ACD: variants seen among roughly 807,000 people sequenced by gnomAD.
ACD encodes adrenocortical dysplasia protein homolog.
A neutral mutation model predicts 53.9 loss-of-function variants in ACD; 39 were observed. The observed-to-expected ratio is 0.72, with a 90% confidence interval of 0.56 to 0.95. The LOEUF (loss-of-function observed/expected upper bound fraction) is 0.95, where lower values mean the gene tolerates loss of function less well. Ranked by LOEUF, ACD falls within the 40% of genes least tolerant of loss-of-function variation. The pLI, the probability that ACD is intolerant of heterozygous loss-of-function variation, is 0.00. For synonymous variants in ACD, 273 were observed against 249.2 expected, an observed-to-expected ratio of 1.10 and a Z score of -0.90; for missense variants, 526 against 587.9, an observed-to-expected ratio of 0.89 and a Z score of 1.09.
In ACD at chr16:67,658,356, G is replaced by A. The variant is rs1370466465; in HGVS notation, c.836C>T (p.Pro279Leu). ...PPSSPSSSGT[P>L]ALPGHMSSEE... ...GGATGACATGTGGCCGGGTAAGGCC[G>A]GGGTTCCTGAGGAGGAGGGGACTTA... The change falls in exon 10 of 12, where the codon CCG (proline) becomes CTG (leucine). Residue 279 changes from proline to leucine, a missense_variant. Pro to Leu is a moderately conservative substitution (Grantham distance 98, BLOSUM62 -3). Coordinates refer to ENST00000620761, the MANE Select transcript of ACD (RefSeq NM_001082486.2). 6 of 1,613,558 alleles carry A rather than the reference G, an allele frequency of 3.7e-6. No homozygotes were observed. The highest frequency in any genetic ancestry group is 4.5e-5 in the East Asian group (2 of 44,900).
In ACD at chr16:67,658,604, G is replaced by C. The variant is rs1254941141; in HGVS notation, c.780C>G (p.Asp260Glu). The C allele has an allele frequency of 6.3e-7, 1 of 1,576,410 alleles. No individual in the cohort carries two copies. Among genetic ancestry groups the C allele is most frequent in the African/African-American group, 1.4e-5 (1 of 74,048 alleles). Residue 260 changes from aspartate (D) to glutamate (E), a missense_variant, in exon 9 of 12, where the codon GAC (aspartate) becomes GAG (glutamate). Physicochemically the swap from Asp to Glu is conservative, Grantham distance 45. Coordinates refer to ENST00000620761, the MANE Select transcript of ACD (RefSeq NM_001082486.2). ...ELPPPDPALQ[D>E]LSLTLIASPP... ...GAGAGGCTATGAGGGTCAGAGATAGGTCCTGCAGAGCCGGGTCTGGTGGGG... is the reference window on the plus strand; with the variant it reads ...GAGAGGCTATGAGGGTCAGAGATAGCTCCTGCAGAGCCGGGTCTGGTGGGG...
chr16:67,658,413 C>T, intron 9 of ACD, 51 bp from the exon 10 acceptor site: 1 of 1,611,658 alleles, frequency 6.2e-7, no homozygotes. Context: ...CTCAGGGCAG[C>T]TGAGTGGCCT....
At position 67,660,206 on chromosome 16, in the gene ACD, C is replaced by T; in HGVS notation, c.15G>A (p.Gly5=). 1 of 1,612,682 alleles carries T rather than the reference C, an allele frequency of 6.2e-7. No individual in the cohort carries two copies. The highest frequency in any genetic ancestry group is 8.5e-7 in the Non-Finnish European group (1 of 1,179,912). ...GAATCCAGGGCCGTAGGACCAGCCT[C>T]CCCGAACCTGCCATCCCCACGGCTA... is the stretch of plus-strand genomic sequence containing the variant. MAGS[G]RLVLRPWIRE... is the part of the protein sequence containing the mutation. Residue 5 remains glycine (G), a synonymous_variant, in exon 1 of 12, where the codon GGG becomes GGA. Transcript: ENST00000620761.
Position 67,658,763 on chromosome 16 carries a change from G to C in ACD, c.699C>G (p.Asp233Glu). Residue 233 changes from aspartate (D) to glutamate (E), a missense_variant, in exon 8 of 12, where the codon GAC becomes GAG. By Grantham distance (45) the Asp-to-Glu change is conservative. Transcript: ENST00000620761. Reference sequence around the variant, plus strand: ...GGCCTAGAGAGCTCAGAATTAGCTGGTCATTCTCAGAGATGCACAGCATTG... The same window carrying C: ...GGCCTAGAGAGCTCAGAATTAGCTGCTCATTCTCAGAGATGCACAGCATTG... The part of the protein sequence containing the change: ...PSSMLCISEN[D>E]QLILSSLGPC... 1.9e-6 allele frequency: 3 copies of C among 1,613,482 alleles called. No homozygotes were observed. Among genetic ancestry groups the C allele is most frequent in the Non-Finnish European group, 2.5e-6 (3 of 1,179,694 alleles).
Position 67,659,967 on chromosome 16 carries a change from C to A in ACD, c.178G>T (p.Val60Leu). 1.2e-6 allele frequency: 2 copies of A among 1,608,950 alleles called. No homozygotes were observed. Among genetic ancestry groups the A allele is most frequent in the South Asian group, 2.2e-5 (2 of 90,918 alleles). ...DTSDVGATLL[V>L]SDGTHSVRCL... ...CGGACACTGTGGGTCCCGTCAGACA[C>A]AAGCAGCGTGGCCCCGACGTCGGAC... is the stretch of plus-strand genomic sequence containing the variant. Residue 60 changes from valine to leucine, a missense_variant, in exon 2 of 12, where the codon GTG (valine) becomes TTG (leucine). By Grantham distance (32) the Val-to-Leu change is conservative (BLOSUM62 1). Coordinates refer to ENST00000620761, the MANE Select transcript of ACD (RefSeq NM_001082486.2).
rs771958170 is a variant in ACD, at chr16:67,659,700, A to T, written c.336+2T>A. The stretch of plus-strand genomic sequence containing the variant: ...CCCGCCCAAGGCAGTCTCACCACTC[A>T]CCGCGCCGCCCTCAGCGACCTGGAC... On this transcript the variant is annotated splice_donor_variant, in intron 3 of 11. Transcript: ENST00000620761. LOFTEE classifies it high-confidence loss of function. The T allele has an allele frequency of 6.2e-7, 1 of 1,613,004 alleles. No homozygotes were observed. Among genetic ancestry groups the T allele is most frequent in the African/African-American group, 1.3e-5 (1 of 74,870 alleles).
Position 67,658,081 on chromosome 16 carries a change from C to T in ACD, c.1111G>A (p.Glu371Lys). The part of the protein sequence containing the change: ...LVTRPQKPSL[E>K]FKEFVGLPCK... ...GGCAACCCTACAAACTCCTTGAACT[C>T]CAGGCTAGGTTTCTGGGGCCTGGTC... Residue 371 changes from glutamate to lysine, a missense_variant, in exon 10 of 12, where the codon GAG becomes AAG. By Grantham distance (56) the Glu-to-Lys change is moderately conservative. Transcript: ENST00000620761. The T allele has an allele frequency of 6.4e-7, 1 of 1,566,780 alleles. No homozygotes were observed. Among genetic ancestry groups the T allele is most frequent in the Non-Finnish European group, 8.6e-7 (1 of 1,157,892 alleles).
In ACD at chr16:67,659,865, C is replaced by A. The variant is rs1169172728; in HGVS notation, c.242+38G>T. ...GGCCCGCCCACCTCGCGCTCTCCTG[C>A]CGGACTCCGACCTCCAGAGCCGCGC... On this transcript the variant is annotated intron_variant, in intron 2 of 11. Coordinates refer to ENST00000620761, the MANE Select transcript of ACD (RefSeq NM_001082486.2). The A allele has an allele frequency of 4.4e-6, 7 of 1,579,956 alleles. 1 individual carries two copies. The Admixed American group carries it at 1.0e-4, about 23-fold the overall frequency.
chr16:67,659,991 A>G lies in ACD; in HGVS notation c.154T>C (p.Ser52Pro), dbSNP rs754238984. Reference sequence around the variant, plus strand: ...ACAAGCAGCGTGGCCCCGACGTCGGACGTATCAGGGGCGTGGGATGGGCCC... The same window carrying G: ...ACAAGCAGCGTGGCCCCGACGTCGGGCGTATCAGGGGCGTGGGATGGGCCC... ...VAGPSHAPDT[S>P]DVGATLLVSD... Residue 52 changes from serine (S) to proline (P), a missense_variant, in exon 2 of 12, where the codon TCC (serine) becomes CCC (proline). Ser to Pro is a moderately conservative substitution (Grantham distance 74). Transcript: ENST00000620761. 7 of 1,608,996 alleles carry G rather than the reference A, an allele frequency of 4.4e-6. No individual in the cohort carries two copies.
intron 9 of ACD, 29 bp downstream of exon 9, chr16:67,658,526 G>A (rs1291961000): frequency 1.3e-6 from 2 of 1,568,850 alleles, no homozygotes; most frequent in Non-Finnish European, 1.7e-6. Flanking sequence ...AGGCGGCAGT[G>A]AGTGCCTGTG....
intron 2 of ACD, 42 bp from the exon 3 acceptor site, chr16:67,659,837 C>T (rs769528493): frequency 1.3e-6 from 2 of 1,585,820 alleles, no homozygotes; most frequent in East Asian, 2.3e-5. Context: ...CACCTGAACA[C>T]AAGGCCCGCC....
Position 67,660,138 on chromosome 16 carries a change from G to A in ACD, c.83C>T (p.Ala28Val). The change falls in exon 1 of 12, where the codon GCC becomes GTC. Residue 28 changes from alanine to valine, a missense_variant. Ala to Val is a moderately conservative substitution (Grantham distance 64). Coordinates refer to ENST00000620761, the MANE Select transcript of ACD (RefSeq NM_001082486.2). ...GGGGCTCACCTCAAGCAGCTGCCCG[G>A]CTCGTGGACTGGAGGGTGTCTCTGA... Reference protein sequence around the residue: ...LGSETPSSPRAGQLLEVLQDA... With the variant: ...LGSETPSSPRVGQLLEVLQDA... 6.2e-7 allele frequency: 1 copy of A among 1,612,550 alleles called. No homozygotes were observed. Among genetic ancestry groups the A allele is most frequent in the Non-Finnish European group, 8.5e-7 (1 of 1,179,896 alleles).
At position 67,659,006 on chromosome 16, in the gene ACD, A is replaced by G. The variant is rs761367992; in HGVS notation, c.567T>C (p.Ala189=). 4.3e-6 allele frequency: 7 copies of G among 1,613,822 alleles called. No homozygotes were observed. Among genetic ancestry groups the G allele is most frequent in the Non-Finnish European group, 5.9e-6 (7 of 1,180,022 alleles). The stretch of plus-strand genomic sequence containing the variant: ...GGCCCTCCAGTGTCAGGCAGCTTTC[A>G]GCCAGGCACACGAGTGCCCCCTGAT... ...QEHQGALVCL[A]ESCLTLEGPC... is the part of the protein sequence containing the mutation. The change falls in exon 7 of 12, where the codon GCT becomes GCC. Residue 189 remains alanine (A), a synonymous_variant. Coordinates refer to ENST00000620761, the MANE Select transcript of ACD (RefSeq NM_001082486.2).
chr16:67,658,386 A>T (rs1334026904), intron 9 of ACD, 24 bp from the exon 10 acceptor site: 2 of 1,613,012 alleles, frequency 1.2e-6, no homozygotes, highest in Non-Finnish European at 1.7e-6. Flanking sequence ...GACTTATTGT[A>T]GGCACAGCCC....
chr16:67,658,408 G>C (rs1200972886), intron 9 of ACD, 46 bp from the exon 10 acceptor site: 1 of 1,612,066 alleles, frequency 6.2e-7, no homozygotes, highest in East Asian at 2.2e-5. Context: ...CTCCGCTCAG[G>C]GCAGCTGAGT....
chr16:67,659,198 T>C (rs1484822672), intron 6 of ACD, 31 bp downstream of exon 6: 1 of 1,613,956 alleles, frequency 6.2e-7, no homozygotes, highest in African/African-American at 1.3e-5. Flanking sequence ...CTGCACAGCG[T>C]GTTAGGATCA....
rs1201894601 is a variant in ACD, at chr16:67,659,791, C to T, written c.247G>A (p.Glu83Lys). The T allele has an allele frequency of 6.2e-7, 1 of 1,606,342 alleles. No individual in the cohort carries two copies. The highest frequency in any genetic ancestry group is 8.5e-7 in the Non-Finnish European group (1 of 1,174,622). Residue 83 changes from glutamate to lysine, a missense_variant, in exon 3 of 12, where the codon GAG becomes AAG. Physicochemically the swap from Glu to Lys is moderately conservative, Grantham distance 56 (BLOSUM62 1). Coordinates refer to ENST00000620761, the MANE Select transcript of ACD (RefSeq NM_001082486.2). ...REALDTSDWE[E>K]KEFGFRGTEG... ...GTCCCGCGGAAGCCGAACTCCTTCT[C>T]CTCCCTGCAACAAGCAGGATCCTCA... is the stretch of plus-strand genomic sequence containing the variant.
Position 67,658,704 on chromosome 16 carries a change from C to T in ACD, c.742+16G>A. ...TGGGCCCCAGGTATCCCCCCAACCT[C>T]TCCAGTCCCCCTTACCCTGTGTCCT... On this transcript the variant is annotated intron_variant, in intron 8 of 11. Transcript: ENST00000620761. The T allele has an allele frequency of 6.2e-7, 1 of 1,602,270 alleles. No homozygotes were observed. Among genetic ancestry groups the T allele is most frequent in the East Asian group, 2.2e-5 (1 of 44,690 alleles).
At position 67,657,709 on chromosome 16, in the gene ACD, T is replaced by C. The variant is rs1350775394; in HGVS notation, c.1299-25A>G. ...CCTGGAAAGAAACCACCGCTGCAGG[T>C]CAATGGAGCCTGGGACTAGTGACCA... On this transcript the variant is annotated intron_variant, in intron 11 of 11. Transcript: ENST00000620761. This position sits in a 1 kb window ranked among gnomAD's most constrained non-coding sequence, Gnocchi z 4.5. 6.2e-7 allele frequency: 1 copy of C among 1,613,924 alleles called. No individual in the cohort carries two copies.
Sources: allele counts gnomAD v4.1 joint callset, GRCh38; gene constraint gnomAD v4.1.1; non-coding constraint Gnocchi (gnomAD v3.1); transcripts MANE v1.5; gene names NCBI Gene and HGNC (gene_info 2026-07-23, HGNC 2026-07-21).